ZNG1B: variants seen among roughly 807,000 people sequenced by gnomAD.
ZNG1B encodes Zn regulated GTPase metalloprotein activator 1B.
At chr2:113,475,582 C>T in the ZNG1B span, among the ~76,000 whole-genome samples, 2 of 151,792 alleles carry the variant, frequency 1.3e-5, no homozygotes, top group Admixed American at 6.6e-5. Context: ...TTCTTCCTAG[C>T]TTGGATGGTC....
chr2:113,489,153 C>T, the ZNG1B span, among the ~76,000 whole-genome samples: 1 of 152,056 alleles, frequency 6.6e-6, no homozygotes, highest in Non-Finnish European at 1.5e-5. Context: ...ATTAACAGCA[C>T]ATTTCTCAGC....
chr2:113,461,027 TTATA>T, the ZNG1B span, among the ~76,000 whole-genome samples: 2 of 144,372 alleles, frequency 1.4e-5, no homozygotes, highest in Admixed American at 7.0e-5. Flanking sequence ...ATTGAAGATT[TTATA>T]TATATATATA....
the ZNG1B span, among the ~76,000 whole-genome samples, chr2:113,483,734 T>TA: frequency 3.3e-5 from 5 of 151,412 alleles, no homozygotes; most frequent in South Asian, 2.1e-4. Context: ...CTGGAGTATT[T>TA]AAAAAAAACA....
At chr2:113,476,536 G>A in the ZNG1B span, among the ~76,000 whole-genome samples, 245 of 148,684 alleles carry the variant, frequency 1.6e-3, no homozygotes, top group Non-Finnish European at 3.0e-3. Context: ...CTGGTGAGGA[G>A]CTGCGTTCCT....
the ZNG1B span, chr2:113,439,018 A>C: frequency 1.8e-4 from 234 of 1,313,526 alleles, 1 homozygote; most frequent in Non-Finnish European, 6.4e-6. Context: ...GTTTCCCCAC[A>C]GTTATTCAGA....
the ZNG1B span, chr2:113,444,845 T>G: frequency 7.0e-7 from 1 of 1,436,510 alleles, no homozygotes. Context: ...GTGAGTTAAA[T>G]TTTCACATTC....
the ZNG1B span, chr2:113,460,789 A>C: frequency 3.2e-6 from 5 of 1,563,866 alleles, no homozygotes; most frequent in South Asian, 5.9e-5. Flanking sequence ...GATGAAAACC[A>C]AAAACAAACT....
At chr2:113,457,608 TC>T in the ZNG1B span, among the ~76,000 whole-genome samples, 3 of 150,774 alleles carry the variant, frequency 2.0e-5, no homozygotes, top group Non-Finnish European at 4.4e-5. Context: ...TTCAGAGAGT[TC>T]CTTTGTTTCT....
the ZNG1B span, chr2:113,481,737 T>C: frequency 1.1e-5 from 2 of 178,540 alleles, no homozygotes; most frequent in Admixed American, 5.5e-5. Context: ...AAAACATTGA[T>C]AAAGGAAAAT....
chr2:113,472,495 T>G, the ZNG1B span, among the ~76,000 whole-genome samples: 2 of 151,932 alleles, frequency 1.3e-5, no homozygotes, highest in Non-Finnish European at 2.9e-5. Context: ...TTTAATTAGA[T>G]CCCATCTGTC....
At chr2:113,437,919 G>A in the ZNG1B span, 1 of 1,612,034 alleles carries the variant, frequency 6.2e-7, no homozygotes, top group South Asian at 1.1e-5. Context: ...CTGCGGAGGA[G>A]GATTGTCCTG....
the ZNG1B span, chr2:113,466,184 G>A: frequency 1.0e-6 from 1 of 958,188 alleles, no homozygotes; most frequent in East Asian, 1.3e-4. Context: ...CTCAGTATCT[G>A]TCCTCTTCCT....
chr2:113,460,823 C>T, the ZNG1B span: 47 of 1,536,200 alleles, frequency 3.1e-5, no homozygotes, highest in South Asian at 5.9e-5. Flanking sequence ...ACATAGTCAA[C>T]GAAAATTTAT....
chr2:113,474,314 C>T, the ZNG1B span, among the ~76,000 whole-genome samples: 1 of 149,826 alleles, frequency 6.7e-6, no homozygotes, highest in Non-Finnish European at 1.5e-5. Context: ...GTTTGTATTT[C>T]TGTGGGATCG....
the ZNG1B span, among the ~76,000 whole-genome samples, chr2:113,478,382 C>T: frequency 6.6e-6 from 1 of 151,606 alleles, no homozygotes; most frequent in African/African-American, 2.4e-5. Flanking sequence ...CTCAAGTGAT[C>T]CTCCCATCTC....
chr2:113,494,955 C>T, the ZNG1B span: 1 of 885,348 alleles, frequency 1.1e-6, no homozygotes, highest in Non-Finnish European at 1.5e-6. Context: ...CATTAAGAAA[C>T]TTCTTGTAAT....
chr2:113,459,539 A>C, the ZNG1B span, among the ~76,000 whole-genome samples: 1 of 148,312 alleles, frequency 6.7e-6, no homozygotes, highest in Non-Finnish European at 1.5e-5. Context: ...GTGTGTGTTC[A>C]ATTAAAAAAA....
chr2:113,444,643 CATT>C, the ZNG1B span, among the ~76,000 whole-genome samples: 1 of 151,662 alleles, frequency 6.6e-6, no homozygotes, highest in Non-Finnish European at 1.5e-5. Flanking sequence ...TAAATTTTAT[CATT>C]ATTTTGTATG....
chr2:113,478,550 G>A, the ZNG1B span, among the ~76,000 whole-genome samples: 1 of 151,944 alleles, frequency 6.6e-6, no homozygotes, highest in South Asian at 2.1e-4. Flanking sequence ...CAAAGTGCTG[G>A]GATTACATGT....
Sources: allele counts gnomAD v4.1 joint callset (sites outside exome capture counted in the v4.1 genomes callset), GRCh38; gene constraint gnomAD v4.1.1; transcripts MANE v1.5; gene names NCBI Gene and HGNC (gene_info 2026-07-23, HGNC 2026-07-21).